Variants in TRPV4 observed in about 807,000 individuals in gnomAD.
TRPV4 encodes the protein transient receptor potential cation channel subfamily V member 4.
In TRPV4, 58 loss-of-function variants were observed where a neutral mutation model predicts 84.1. That is an observed-to-expected ratio of 0.69 (90% CI 0.56 to 0.86). The LOEUF (loss-of-function observed/expected upper bound fraction) is 0.86, where lower values mean the gene tolerates loss of function less well. TRPV4 is among the 40% of genes least tolerant of loss of function. The pLI is 0.00. For missense variants in TRPV4, 879 were observed against 1,181.1 expected (o/e 0.74, Z 3.75); for synonymous variants, 489 against 500.9 (o/e 0.98, Z 0.32).
intron 1 of TRPV4, among the ~76,000 whole-genome samples, chr12:109,819,260 C>G (rs548019988): frequency 5.9e-5 from 9 of 152,220 alleles, no homozygotes; most frequent in Non-Finnish European, 1.3e-4. Context: ...GGGATGCAGG[C>G]AGGGAGAGAG....
At chr12:109,827,322 G>A (rs906643395) in intron 1 of TRPV4, among the ~76,000 whole-genome samples, 37 of 152,158 alleles carry the variant, frequency 2.4e-4, no homozygotes, top group African/African-American at 8.4e-4. Flanking sequence ...GCCAGAGCCT[G>A]TATCTGAGCA....
At chr12:109,792,266 G>C in intron 12 of TRPV4, 97 bp downstream of exon 12, 7 of 352,370 alleles carry the variant, frequency 2.0e-5, no homozygotes, top group East Asian at 6.0e-5. Flanking sequence ...AAAAAAAAAA[G>C]AACTCAGCAA....
chr12:109,830,105 T>G (rs1592877741), intron 1 of TRPV4, among the ~76,000 whole-genome samples: 1 of 152,168 alleles, frequency 6.6e-6, no homozygotes, highest in East Asian at 1.9e-4. Flanking sequence ...TGTGGGCCAC[T>G]GCACCCGGCC....
In TRPV4 at chr12:109,793,699, G is replaced by A; in HGVS notation, c.1585-99C>T. On this transcript the variant is annotated intron_variant, in intron 9 of 15. Coordinates refer to ENST00000261740, the MANE Select transcript of TRPV4 (RefSeq NM_021625.5). The surrounding 1 kb of genome is among the most constrained non-coding windows in gnomAD (Gnocchi z 4.0). Reference sequence around the variant, plus strand: ...AAGGGATAGAAGAGAGGGAGGCAGAGGCTGGTACAGAGAAAAGACAAAGGA... The same window carrying A: ...AAGGGATAGAAGAGAGGGAGGCAGAAGCTGGTACAGAGAAAAGACAAAGGA... 1 of 1,056,666 alleles carries A rather than the reference G, an allele frequency of 9.5e-7. No individual in the cohort carries two copies. The highest frequency in any genetic ancestry group is 1.5e-6 in the Non-Finnish European group (1 of 683,254). The allele number at this position is 1,056,666 out of a possible 1,614,324, so 65.5% of individuals were successfully genotyped here.
At chr12:109,820,208 G>A (rs1892037416) in intron 1 of TRPV4, among the ~76,000 whole-genome samples, 1 of 152,096 alleles carries the variant, frequency 6.6e-6, no homozygotes, top group African/African-American at 2.4e-5. Context: ...GAGTCATGTC[G>A]GATGGTGTTA....
In TRPV4 at chr12:109,793,848, G is replaced by A; in HGVS notation, c.1584+82C>T. On this transcript the variant is annotated intron_variant, in intron 9 of 15. Transcript: ENST00000261740. This position sits in a 1 kb window ranked among gnomAD's most constrained non-coding sequence, Gnocchi z 4.0. ...GAAGGACCATTTGGAGGAGAGAGAA[G>A]AGAAAAAGAGGGAGAGAAAAGAGGT... 2.8e-6 allele frequency: 3 copies of A among 1,085,880 alleles called. No individual in the cohort carries two copies. Among genetic ancestry groups the A allele is most frequent in the Middle Eastern group, 2.0e-4 (1 of 4,916 alleles). 67.3% of individuals were successfully genotyped at this position (1,085,880 alleles called of 1,614,324 possible).
intron 11 of TRPV4, 65 bp downstream of exon 11, chr12:109,792,587 G>A: frequency 6.2e-7 from 1 of 1,601,710 alleles, no homozygotes; most frequent in Non-Finnish European, 8.6e-7. Flanking sequence ...GCATAAGTGT[G>A]CATGTGGTGT....
At chr12:109,800,852 G>T (rs1453934159) in intron 4 of TRPV4, 94 bp from the exon 5 acceptor site, 1 of 1,069,736 alleles carries the variant, frequency 9.3e-7, no homozygotes, top group Non-Finnish European at 1.4e-6. Flanking sequence ...CGTAGAAATT[G>T]GGGGGTGGGG....
At chr12:109,830,008 G>A (rs1199947960) in intron 1 of TRPV4, among the ~76,000 whole-genome samples, 3 of 152,310 alleles carry the variant, frequency 2.0e-5, no homozygotes, top group Admixed American at 2.0e-4. Context: ...TAGAGACAGA[G>A]TTTCACCATG....
At chr12:109,832,451 G>A (rs1211442358) in intron 1 of TRPV4, 1 of 152,284 alleles carries the variant, frequency 6.6e-6, no homozygotes, top group Non-Finnish European at 1.5e-5. Flanking sequence ...CCCAGCAGAG[G>A]CTCTTGTTTT....
Position 109,814,277 on chromosome 12 carries a change from A to G in TRPV4, c.386+134T>C. On this transcript the variant is annotated intron_variant, in intron 2 of 15. Coordinates refer to ENST00000261740, the MANE Select transcript of TRPV4 (RefSeq NM_021625.5). The surrounding 1 kb of genome is among the most constrained non-coding windows in gnomAD (Gnocchi z 5.4). ...GATGAATAGATGGATGGATAGATGT[A>G]TGGATGGTTGGATGGACAGATGGAT... 9.8e-7 allele frequency: 1 copy of G among 1,023,020 alleles called. No homozygotes were observed. The highest frequency in any genetic ancestry group is 1.4e-5 in the South Asian group (1 of 72,862). The allele number at this position is 1,023,020 out of a possible 1,614,324, so 63.4% of individuals were successfully genotyped here.
At chr12:109,799,764 T>C (rs1270059307) in intron 5 of TRPV4, among the ~76,000 whole-genome samples, 1 of 151,996 alleles carries the variant, frequency 6.6e-6, no homozygotes, top group Non-Finnish European at 1.5e-5. Context: ...TTTGTTCTTT[T>C]CTTTTTGCTT....
Position 109,814,570 on chromosome 12 carries a change from C to T in TRPV4, c.227G>A (p.Arg76His), listed in dbSNP as rs1435404361. ...NLRMKFQGAFRKGVPNPIDLL... is the reference protein window; with the variant it reads ...NLRMKFQGAFHKGVPNPIDLL... ...ATCGATGGGGTTGGGCACCCCCTTG[C>T]GGAAGGCGCCCTGGAACTTCATGCG... Residue 76 changes from arginine to histidine, a missense_variant, in exon 2 of 16, where the codon CGC (arginine) becomes CAC (histidine). Coordinates refer to ENST00000261740, the MANE Select transcript of TRPV4 (RefSeq NM_021625.5). The surrounding 1 kb of genome is among the most constrained non-coding windows in gnomAD (Gnocchi z 5.4). 6.8e-6 allele frequency: 11 copies of T among 1,613,978 alleles called. No individual in the cohort carries two copies. Among genetic ancestry groups the T allele is most frequent in the African/African-American group, 1.3e-5 (1 of 74,892 alleles).
intron 1 of TRPV4, among the ~76,000 whole-genome samples, chr12:109,824,312 A>T (rs1892192453): frequency 6.6e-6 from 1 of 152,082 alleles, no homozygotes; most frequent in African/African-American, 2.4e-5. Context: ...GAGCTCAAGG[A>T]TACAAAGTCA....
intron 3 of TRPV4, among the ~76,000 whole-genome samples, chr12:109,807,009 G>A (rs565160123): frequency 2.6e-4 from 40 of 152,238 alleles, no homozygotes; most frequent in Non-Finnish European, 4.4e-4. Context: ...GGGCACAGTG[G>A]CTCATGCCTA....
intron 1 of TRPV4, among the ~76,000 whole-genome samples, chr12:109,820,516 ATT>A (rs1166251387): frequency 7.9e-4 from 73 of 92,384 alleles, no homozygotes; most frequent in African/African-American, 2.9e-3. Flanking sequence ...CAGCTGCCCT[ATT>A]TTTTTTTTTT....
In TRPV4 at chr12:109,786,272, C is replaced by G. The variant is rs1191793259; in HGVS notation, c.2336+438G>C. 3.3e-5 allele frequency among the ~76,000 whole-genome samples: 5 copies of G among 152,200 alleles called. No homozygotes were observed. The highest frequency in any genetic ancestry group is 9.7e-5 in the African/African-American group (4 of 41,436). ...TGGGTGAGGTCTCCAGCCCTGGAAA[C>G]TGCACATTCCTCAGCTTCCCATTTC... On this transcript the variant is annotated intron_variant, in intron 14 of 15. Coordinates refer to ENST00000261740, the MANE Select transcript of TRPV4 (RefSeq NM_021625.5). This position sits in a 1 kb window ranked among gnomAD's most constrained non-coding sequence, Gnocchi z 4.5.
At chr12:109,824,530 C>A (rs993052400) in intron 1 of TRPV4, among the ~76,000 whole-genome samples, 2 of 151,716 alleles carry the variant, frequency 1.3e-5, no homozygotes, top group Non-Finnish European at 2.9e-5. Flanking sequence ...CCGAGGTGGG[C>A]GGATCACTTG....
At chr12:109,822,053 G>A (rs1892118439) in intron 1 of TRPV4, among the ~76,000 whole-genome samples, 1 of 152,150 alleles carries the variant, frequency 6.6e-6, no homozygotes, top group African/African-American at 2.4e-5. Flanking sequence ...TGGGGAGGGG[G>A]AAAGGCTGTG....
Sources: gnomAD v4.1 joint callset for allele counts (sites outside exome capture counted in the v4.1 genomes callset) on GRCh38, gnomAD v4.1.1 for gene constraint, Gnocchi (gnomAD v3.1) non-coding constraint, MANE v1.5 for transcripts, NCBI Gene and HGNC (gene_info 2026-07-23, HGNC 2026-07-21) for gene names.